The following PPA2 variants were observed in gnomAD, a reference collection of about 807,000 sequenced individuals.
PPA2 encodes inorganic pyrophosphatase 2, mitochondrial.
Under a neutral mutation model 49.5 loss-of-function variants are expected in PPA2, and 48 were observed. That is an observed-to-expected ratio of 0.97 (90% CI 0.77 to 1.23). The LOEUF (loss-of-function observed/expected upper bound fraction) is 1.23, where lower values mean the gene tolerates loss of function less well. Ranked by LOEUF, PPA2 falls within the 50% of genes most tolerant of loss-of-function variation. The pLI is 0.00. For missense variants in PPA2, 429 were observed against 410.1 expected, an observed-to-expected ratio of 1.05 and a Z score of -0.40; for synonymous variants, 131 against 139.9, an observed-to-expected ratio of 0.94 and a Z score of 0.45.
chr4:105,421,978 G>A (rs900392647), intron 7 of PPA2, among the ~76,000 whole-genome samples: 1 of 152,060 alleles, frequency 6.6e-6, no homozygotes, highest in Non-Finnish European at 1.5e-5. Context: ...AGGAGGCGGT[G>A]GTTGCAGTGA....
chr4:105,450,601 C>CTTTTT (rs575896250), intron 3 of PPA2, among the ~76,000 whole-genome samples: 1,387 of 82,546 alleles, frequency 0.017, 196 homozygotes, highest in Non-Finnish European at 0.023. Context: ...GTCTGGAATT[C>CTTTTT]TTTTTTTTTT....
chr4:105,466,071 T>C (rs1267510995), intron 1 of PPA2, among the ~76,000 whole-genome samples: 4 of 152,116 alleles, frequency 2.6e-5, no homozygotes, highest in African/African-American at 4.8e-5. Flanking sequence ...AAACTTCGTG[T>C]CTCAGAACAC....
chr4:105,440,510 C>T (rs1049819408), intron 5 of PPA2, among the ~76,000 whole-genome samples: 1 of 152,116 alleles, frequency 6.6e-6, no homozygotes, highest in Non-Finnish European at 1.5e-5. Context: ...ATCCACCTGC[C>T]TCGGCCTCCG....
At chr4:105,398,936 C>T (rs1734250325) in intron 8 of PPA2, 101 bp downstream of exon 8, 1 of 1,223,828 alleles carries the variant, frequency 8.2e-7, no homozygotes, top group Non-Finnish European at 1.1e-6. Flanking sequence ...ACTTTTTTAA[C>T]CATGCTATAT....
chr4:105,436,667 G>A (rs1171893734), intron 6 of PPA2, among the ~76,000 whole-genome samples: 1 of 151,922 alleles, frequency 6.6e-6, no homozygotes, highest in Non-Finnish European at 1.5e-5. Context: ...AACAAATGAA[G>A]TCACATACCT....
Position 105,474,036 on chromosome 4 carries a change from C to G in PPA2, c.15G>C (p.Leu5=), listed in dbSNP as rs1343705305. The G allele has an allele frequency of 6.3e-7, 1 of 1,591,778 alleles. No individual in the cohort carries two copies. Among genetic ancestry groups the G allele is most frequent in the Non-Finnish European group, 8.6e-7 (1 of 1,168,868 alleles). MSAL[L]RLLRTGAPAA... ...CTGGGGCACCCGTGCGCAGCAGCCG[C>G]AGCAGCGCGCTCATGGCGTCAATGA... is the stretch of plus-strand genomic sequence containing the variant. Residue 5 remains leucine, a synonymous_variant, in exon 1 of 12, where the codon CTG becomes CTC. Coordinates refer to ENST00000341695, the MANE Select transcript of PPA2 (RefSeq NM_176869.3).
At position 105,405,773 on chromosome 4, in the gene PPA2, G is replaced by A. The variant is rs181796280; in HGVS notation, c.656-6609C>T. On this transcript the variant is annotated intron_variant, in intron 7 of 11. Coordinates refer to ENST00000341695, the MANE Select transcript of PPA2 (RefSeq NM_176869.3). ...TCAAAAAGACTCAAAAACAAGATAA[G>A]TAACTTTGTAGACCCAAGAGGGAAC... The A allele has an allele frequency of 7.7e-5, 45 of 588,108 alleles. No homozygotes were observed. In the African/African-American group the frequency reaches 8.7e-4, roughly 11 times the overall value. The allele number at this position is 588,108 out of a possible 1,614,324, so 36.4% of individuals were successfully genotyped here.
chr4:105,399,278 C>A, intron 7 of PPA2, 114 bp from the exon 8 acceptor site: 1 of 1,022,610 alleles, frequency 9.8e-7, no homozygotes, highest in Non-Finnish European at 1.4e-6. Flanking sequence ...TAACCAGAAG[C>A]ACAATTGATT....
At chr4:105,377,149 A>G (rs1419503608) in intron 10 of PPA2, among the ~76,000 whole-genome samples, 19 of 152,134 alleles carry the variant, frequency 1.2e-4, no homozygotes, top group Admixed American at 9.8e-4. Context: ...TGTCTAGAAA[A>G]ATTAGTAAGG....
intron 7 of PPA2, among the ~76,000 whole-genome samples, chr4:105,404,144 G>A (rs1461552278): frequency 6.6e-6 from 1 of 151,158 alleles, no homozygotes; most frequent in Non-Finnish European, 1.5e-5. Flanking sequence ...TTAATCTAGA[G>A]ACATATTAAA....
chr4:105,469,978 C>T lies in PPA2; in HGVS notation c.157+3916G>A, dbSNP rs890206714. On this transcript the variant is annotated intron_variant, in intron 1 of 11. Coordinates refer to ENST00000341695, the MANE Select transcript of PPA2 (RefSeq NM_176869.3). ...TAATTTCAACACAAGCACATGCTTACTATAAGTGACAAAGCAAATTAATTT... is the reference window on the plus strand; with the variant it reads ...TAATTTCAACACAAGCACATGCTTATTATAAGTGACAAAGCAAATTAATTT... Among the ~76,000 whole-genome samples, 5 of 152,180 alleles carry T rather than the reference C, an allele frequency of 3.3e-5. 1 individual carries two copies. Among genetic ancestry groups the T allele is most frequent in the Admixed American group, 3.3e-4 (5 of 15,282 alleles).
chr4:105,383,459 A>G (rs1448499241), intron 10 of PPA2, among the ~76,000 whole-genome samples: 1 of 152,172 alleles, frequency 6.6e-6, no homozygotes, highest in African/African-American at 2.4e-5. Flanking sequence ...TTTCGTCTCA[A>G]TGTTACACTT....
chr4:105,474,046 C>G lies in PPA2; in HGVS notation c.5G>C (p.Ser2Thr). Residue 2 changes from serine (S) to threonine (T), a missense_variant, in exon 1 of 12, where the codon AGC (serine) becomes ACC (threonine). Coordinates refer to ENST00000341695, the MANE Select transcript of PPA2 (RefSeq NM_176869.3). ...CGTGCGCAGCAGCCGCAGCAGCGCG[C>G]TCATGGCGTCAATGACGGTCCTGCT... Reference protein sequence around the residue: MSALLRLLRTGA... With the variant: MTALLRLLRTGA... 6.3e-7 allele frequency: 1 copy of G among 1,583,440 alleles called. No homozygotes were observed. The highest frequency in any genetic ancestry group is 8.6e-7 in the Non-Finnish European group (1 of 1,164,108).
At chr4:105,464,446 A>C (rs1723217642) in intron 1 of PPA2, among the ~76,000 whole-genome samples, 2 of 152,108 alleles carry the variant, frequency 1.3e-5, no homozygotes. Flanking sequence ...TGGACTGCGG[A>C]CTTCTGAGTT....
chr4:105,390,232 C>T (rs747575979), intron 9 of PPA2, among the ~76,000 whole-genome samples: 1 of 152,122 alleles, frequency 6.6e-6, no homozygotes, highest in Non-Finnish European at 1.5e-5. Context: ...TAGACAATAC[C>T]ATTCAGGACA....
chr4:105,457,804 T>G (rs1296931608), intron 1 of PPA2, among the ~76,000 whole-genome samples: 1 of 152,164 alleles, frequency 6.6e-6, no homozygotes, highest in African/African-American at 2.4e-5. Flanking sequence ...GCTCAAACAA[T>G]CCACCTACTT....
At chr4:105,467,662 A>G (rs1260580950) in intron 1 of PPA2, among the ~76,000 whole-genome samples, 2 of 90,202 alleles carry the variant, frequency 2.2e-5, no homozygotes, top group Non-Finnish European at 4.7e-5. Flanking sequence ...TGATCAAGGG[A>G]AAGATGATGG....
chr4:105,473,940 A>T lies in PPA2; in HGVS notation c.111T>A (p.Thr37=), dbSNP rs773376490. The change falls in exon 1 of 12, where the codon ACT becomes ACA. Residue 37 remains threonine (T), a synonymous_variant. Transcript: ENST00000341695. ...GCGAGCAGGGCTGGCCGCGCTCCTC[A>T]GTGTGGTACAGGGCCATAGCACGGC... The part of the protein sequence containing the change: ...GSRRAMALYH[T]EERGQPCSQN... 2 of 1,611,406 alleles carry T rather than the reference A, an allele frequency of 1.2e-6. No homozygotes were observed. The highest frequency in any genetic ancestry group is 1.7e-6 in the Non-Finnish European group (2 of 1,178,732).
intron 7 of PPA2, among the ~76,000 whole-genome samples, chr4:105,409,056 G>C (rs763595291): frequency 9.8e-5 from 15 of 152,374 alleles, no homozygotes; most frequent in Middle Eastern, 6.8e-3. Flanking sequence ...TGGTTGGACA[G>C]TGGGTACAGC....
Sources: allele counts gnomAD v4.1 joint callset (sites outside exome capture counted in the v4.1 genomes callset), GRCh38; gene constraint gnomAD v4.1.1; transcripts MANE v1.5; gene names NCBI Gene and HGNC (gene_info 2026-07-23, HGNC 2026-07-21).